The following ATG10 variants were observed in gnomAD, a reference collection of about 807,000 sequenced individuals.
ATG10 encodes ubiquitin-like-conjugating enzyme ATG10.
A neutral mutation model predicts 32.1 loss-of-function variants in ATG10; 30 were observed. The ratio of observed to expected loss-of-function variants is 0.94; its 90% CI spans 0.70 to 1.27. The LOEUF (loss-of-function observed/expected upper bound fraction) is 1.27. Ranked by LOEUF, ATG10 falls within the 50% of genes most tolerant of loss-of-function variation. The pLI is 0.00. For missense variants in ATG10, 233 were observed against 262.3 expected, an observed-to-expected ratio of 0.89 and a Z score of 0.77; for synonymous variants, 87 against 91.5, an observed-to-expected ratio of 0.95 and a Z score of 0.28.
At chr5:82,102,491 A>G (rs1765312730) in intron 3 of ATG10, among the ~76,000 whole-genome samples, 1 of 152,138 alleles carries the variant, frequency 6.6e-6, no homozygotes, top group African/African-American at 2.4e-5. Context: ...TTGAATGTCT[A>G]CTCCAATAGA....
At chr5:82,152,812 G>A (rs1767656549) in intron 3 of ATG10, among the ~76,000 whole-genome samples, 1 of 151,988 alleles carries the variant, frequency 6.6e-6, no homozygotes, top group African/African-American at 2.4e-5. Flanking sequence ...CACATATTAG[G>A]GTTGAGTGCT....
chr5:82,159,893 A>G (rs1330256730), intron 3 of ATG10, among the ~76,000 whole-genome samples: 1 of 152,166 alleles, frequency 6.6e-6, no homozygotes, highest in Non-Finnish European at 1.5e-5. Context: ...GTTCACATTT[A>G]GTAATAAGAA....
At chr5:82,114,233 C>G (rs1194491067) in intron 3 of ATG10, among the ~76,000 whole-genome samples, 1 of 151,886 alleles carries the variant, frequency 6.6e-6, no homozygotes, top group Non-Finnish European at 1.5e-5. Flanking sequence ...GCTGTTTTAC[C>G]TCAGACTGGG....
chr5:82,039,957 G>A (rs958073261), intron 2 of ATG10, among the ~76,000 whole-genome samples: 4 of 152,168 alleles, frequency 2.6e-5, no homozygotes, highest in Non-Finnish European at 5.9e-5. Context: ...TAACATGCCT[G>A]GTGCTTGACA....
chr5:82,154,081 C>T (rs1235218281), intron 3 of ATG10, among the ~76,000 whole-genome samples: 1 of 151,916 alleles, frequency 6.6e-6, no homozygotes, highest in Admixed American at 6.6e-5. Context: ...TATTTCTGTA[C>T]AGCTCACAAG....
At chr5:82,137,993 A>G (rs772698403) in intron 3 of ATG10, among the ~76,000 whole-genome samples, 2 of 152,158 alleles carry the variant, frequency 1.3e-5, no homozygotes, top group Non-Finnish European at 2.9e-5. Context: ...GCTTCACCCA[A>G]TTTGAACTTC....
At chr5:82,013,202 T>C (rs1762175468) in intron 2 of ATG10, among the ~76,000 whole-genome samples, 1 of 152,160 alleles carries the variant, frequency 6.6e-6, no homozygotes, top group African/African-American at 2.4e-5. Context: ...CTGCCCGCCT[T>C]GGCCTCCCAA....
intron 2 of ATG10, among the ~76,000 whole-genome samples, chr5:82,027,524 T>C (rs1490260065): frequency 6.6e-6 from 1 of 152,252 alleles, no homozygotes; most frequent in Non-Finnish European, 1.5e-5. Context: ...ATTACTTTTA[T>C]GAATTTTGAT....
At chr5:82,193,448 C>T (rs948274986) in intron 5 of ATG10, among the ~76,000 whole-genome samples, 1 of 152,198 alleles carries the variant, frequency 6.6e-6, no homozygotes, top group Non-Finnish European at 1.5e-5. Flanking sequence ...CAGCCTCACA[C>T]GGCAGTTTGG....
At chr5:82,031,221 C>T (rs1762733882) in intron 2 of ATG10, among the ~76,000 whole-genome samples, 1 of 151,932 alleles carries the variant, frequency 6.6e-6, no homozygotes, top group Non-Finnish European at 1.5e-5. Context: ...AAGAACCTGA[C>T]AATATTGAAT....
chr5:82,033,565 C>T (rs918868361), intron 2 of ATG10, among the ~76,000 whole-genome samples: 2 of 151,942 alleles, frequency 1.3e-5, no homozygotes, highest in Non-Finnish European at 1.5e-5. Context: ...CTTGGTTTTC[C>T]GCCTGCCCCA....
chr5:82,014,732 TGAG>T (rs1282633656), intron 2 of ATG10, among the ~76,000 whole-genome samples: 2 of 152,230 alleles, frequency 1.3e-5, no homozygotes, highest in African/African-American at 4.8e-5. Flanking sequence ...TCTCTGCACG[TGAG>T]ATGGGTCTCC....
At chr5:82,077,690 A>G (rs1764324610) in intron 3 of ATG10, among the ~76,000 whole-genome samples, 1 of 152,240 alleles carries the variant, frequency 6.6e-6, no homozygotes, top group African/African-American at 2.4e-5. Flanking sequence ...GGTAGTGCAG[A>G]CGTCTTTGCA....
At chr5:82,108,102 A>T (rs1385472295) in intron 3 of ATG10, among the ~76,000 whole-genome samples, 2 of 152,016 alleles carry the variant, frequency 1.3e-5, no homozygotes, top group African/African-American at 4.8e-5. Flanking sequence ...TTTTGAGTTT[A>T]TTCTGTTGTC....
chr5:82,126,999 T>C (rs1039761294), intron 3 of ATG10, among the ~76,000 whole-genome samples: 25 of 152,160 alleles, frequency 1.6e-4, no homozygotes, highest in African/African-American at 5.8e-4. Flanking sequence ...TTTTTCCTGG[T>C]TTAGCCTTCA....
chr5:82,161,320 C>T (rs1743330725), intron 3 of ATG10, among the ~76,000 whole-genome samples: 1 of 152,114 alleles, frequency 6.6e-6, no homozygotes, highest in East Asian at 1.9e-4. Flanking sequence ...CCCACAAAGG[C>T]ACTCAGCTGC....
At chr5:82,176,792 C>T (rs535208432) in intron 4 of ATG10, among the ~76,000 whole-genome samples, 1 of 152,172 alleles carries the variant, frequency 6.6e-6, no homozygotes, top group South Asian at 2.1e-4. Context: ...GTTCATTTTA[C>T]AGACATGGAA....
At chr5:82,055,848 G>A (rs1304508799) in intron 2 of ATG10, among the ~76,000 whole-genome samples, 3 of 152,240 alleles carry the variant, frequency 2.0e-5, no homozygotes, top group South Asian at 2.1e-4. Flanking sequence ...TCTTTGTTTA[G>A]ATATGCTTAG....
At chr5:82,191,152 A>C (rs1483867480) in intron 5 of ATG10, among the ~76,000 whole-genome samples, 1 of 152,252 alleles carries the variant, frequency 6.6e-6, no homozygotes, top group Non-Finnish European at 1.5e-5. Context: ...TCTGATGTCA[A>C]CCAGTCTTTT....
Sources: gnomAD v4.1 joint callset for allele counts (sites outside exome capture counted in the v4.1 genomes callset) on GRCh38, gnomAD v4.1.1 for gene constraint, MANE v1.5 for transcripts, NCBI Gene and HGNC (gene_info 2026-07-23, HGNC 2026-07-21) for gene names.